The following SLC38A11 variants were observed in gnomAD, a reference collection of about 807,000 sequenced individuals.
The protein encoded by SLC38A11 is putative sodium-coupled neutral amino acid transporter 11.
Under a neutral mutation model 49.4 loss-of-function variants are expected in SLC38A11, and 51 were observed. The ratio of observed to expected loss-of-function variants is 1.03; its 90% CI spans 0.83 to 1.30. The LOEUF is 1.30. Ranked by LOEUF, SLC38A11 falls within the 50% of genes most tolerant of loss-of-function variation. The probability of loss-of-function intolerance (pLI) is 0.00; values close to 1 mark genes in which losing one functional copy is unlikely to be tolerated. For synonymous variants in SLC38A11, 203 were observed against 192.9 expected (o/e 1.05, Z -0.43); for missense variants, 574 against 556.2 (o/e 1.03, Z -0.32).
At chr2:164,945,996 G>A (rs1378137839) in intron 3 of SLC38A11, among the ~76,000 whole-genome samples, 3 of 152,068 alleles carry the variant, frequency 2.0e-5, no homozygotes, top group African/African-American at 4.8e-5. Flanking sequence ...AAACAGACTC[G>A]AGTCAAACTG....
At position 164,895,304 on chromosome 2, in the gene SLC38A11, A is replaced by G. The variant is rs78376286; in HGVS notation, c.*3133T>C. Among the ~76,000 whole-genome samples, 885 of 152,310 alleles carry G rather than the reference A, an allele frequency of 5.8e-3. 35 individuals are homozygous for G. In the East Asian group the frequency reaches 0.1, roughly 18 times the overall value. Reference sequence around the variant, plus strand: ...ATACATTCTTAAAAGCGCTTATTCTATTGAGGTAGCAAATTATTATCCTTG... The same window carrying G: ...ATACATTCTTAAAAGCGCTTATTCTGTTGAGGTAGCAAATTATTATCCTTG... On this transcript the variant is annotated 3_prime_UTR_variant, in exon 12 of 12. Transcript: ENST00000685975.
At chr2:164,904,145 C>T (rs1295549950) in intron 11 of SLC38A11, among the ~76,000 whole-genome samples, 4 of 152,200 alleles carry the variant, frequency 2.6e-5, no homozygotes, top group Non-Finnish European at 5.9e-5. Flanking sequence ...GTAAACCACA[C>T]ACAATGCTTG....
chr2:164,938,476 T>C (rs1197239213), intron 6 of SLC38A11, among the ~76,000 whole-genome samples: 1 of 152,192 alleles, frequency 6.6e-6, no homozygotes, highest in Non-Finnish European at 1.5e-5. Flanking sequence ...CTTCCTTTTA[T>C]GAATGCCTCA....
rs560919536 is a variant in SLC38A11, at chr2:164,932,391, C to T, written c.617+4959G>A. On this transcript the variant is annotated intron_variant, in intron 7 of 11. Transcript: ENST00000685975. ...TCTGAAAAACAGAGCTACCATTTGACCCAGCAATCCCATTACTGAGTATAT... is the reference window on the plus strand; with the variant it reads ...TCTGAAAAACAGAGCTACCATTTGATCCAGCAATCCCATTACTGAGTATAT... Among the ~76,000 whole-genome samples, 65 of 152,200 alleles carry T rather than the reference C, an allele frequency of 4.3e-4. 1 individual carries two copies. In the South Asian group the frequency reaches 9.8e-3, roughly 23 times the overall value.
At chr2:164,945,862 A>G (rs1434699359) in intron 3 of SLC38A11, 135 bp from the exon 4 acceptor site, 2 of 909,188 alleles carry the variant, frequency 2.2e-6, no homozygotes, top group Non-Finnish European at 3.3e-6. Flanking sequence ...TAGCAGAGCC[A>G]GGCTAACTTT....
intron 3 of SLC38A11, among the ~76,000 whole-genome samples, chr2:164,951,145 T>C (rs184836614): frequency 6.6e-6 from 1 of 152,346 alleles, no homozygotes; most frequent in East Asian, 1.9e-4. Flanking sequence ...TTTATTTATG[T>C]ATAATACGAC....
In SLC38A11 at chr2:164,898,706, T is replaced by C. The variant is rs778616571; in HGVS notation, c.1120A>G (p.Ile374Val). 6.2e-7 allele frequency: 1 copy of C among 1,613,258 alleles called. No individual in the cohort carries two copies. Among genetic ancestry groups the C allele is most frequent in the Non-Finnish European group, 8.5e-7 (1 of 1,179,568 alleles). ...TAACAGGCTGATGGAATGATAAAAA[T>C]GAGGGGAGTTGCACAGAGCACACCC... ...LNGVLCATPL[I>V]FIIPSACYLK... The change falls in exon 12 of 12, where the codon ATT becomes GTT. Residue 374 changes from isoleucine (I) to valine (V), a missense_variant. Physicochemically the swap from Ile to Val is conservative, Grantham distance 29. Coordinates refer to ENST00000685975, the MANE Select transcript of SLC38A11 (RefSeq NM_001351537.2).
intron 5 of SLC38A11, among the ~76,000 whole-genome samples, chr2:164,941,242 T>C (rs921150954): frequency 1.3e-5 from 2 of 152,162 alleles, no homozygotes; most frequent in Middle Eastern, 3.2e-3. Flanking sequence ...TGAAAAAATT[T>C]AAAAGCATGT....
chr2:164,955,175 C>G lies in SLC38A11; in HGVS notation c.39+34G>C, dbSNP rs1688767119. ...CAAGGTGAATGAAATTTCCGGACAA[C>G]TGGCTTCAGAACCTGCCTAGTCGCT... On this transcript the variant is annotated intron_variant, in intron 1 of 11. Transcript: ENST00000685975. 5 of 1,549,060 alleles carry G rather than the reference C, an allele frequency of 3.2e-6. No individual in the cohort carries two copies. In the East Asian group the frequency reaches 1.2e-4, roughly 38 times the overall value.
chr2:164,929,171 A>C (rs1463114922), intron 7 of SLC38A11, among the ~76,000 whole-genome samples: 1 of 151,990 alleles, frequency 6.6e-6, no homozygotes, highest in Non-Finnish European at 1.5e-5. Flanking sequence ...TTACATCTTA[A>C]TTTTCTCTAA....
Position 164,895,026 on chromosome 2 carries a change from T to C in SLC38A11, c.*3411A>G, listed in dbSNP as rs1684360131. On this transcript the variant is annotated 3_prime_UTR_variant, in exon 12 of 12. Transcript: ENST00000685975. ...GCATCACCTGGGAACTTTTCAGAAA[T>C]AGAAATTCTGAGGCCCCACTCCAAG... 6.6e-6 allele frequency among the ~76,000 whole-genome samples: 1 copy of C among 152,110 alleles called. No homozygotes were observed. Among genetic ancestry groups the C allele is most frequent in the Non-Finnish European group, 1.5e-5 (1 of 68,018 alleles).
chr2:164,912,028 C>T, intron 9 of SLC38A11: 1 of 191,478 alleles, frequency 5.2e-6, no homozygotes, highest in South Asian at 1.5e-4. Context: ...GTAATAGGTG[C>T]TACCATCTAG....
At position 164,896,586 on chromosome 2, in the gene SLC38A11, A is replaced by G. The variant is rs1684380714; in HGVS notation, c.*1851T>C. 1 of 152,152 alleles carries G rather than the reference A, an allele frequency of 6.6e-6. No individual in the cohort carries two copies. The highest frequency in any genetic ancestry group is 2.4e-5 in the African/African-American group (1 of 41,434). 9.4% of individuals were successfully genotyped at this position (152,152 alleles called of 1,614,324 possible). On this transcript the variant is annotated 3_prime_UTR_variant, in exon 12 of 12. Coordinates refer to ENST00000685975, the MANE Select transcript of SLC38A11 (RefSeq NM_001351537.2). ...TACATGGAATGAAAGCATTTTTATT[A>G]TATTTTACCTAAACATGTACCAATC...
chr2:164,938,105 T>A (rs1172843166), intron 6 of SLC38A11, among the ~76,000 whole-genome samples: 1 of 152,126 alleles, frequency 6.6e-6, no homozygotes, highest in Non-Finnish European at 1.5e-5. Context: ...TTTTTTTAAA[T>A]GAAAAAGCAC....
chr2:164,936,743 G>A (rs1449818806), intron 7 of SLC38A11, among the ~76,000 whole-genome samples: 2 of 152,098 alleles, frequency 1.3e-5, no homozygotes, highest in Non-Finnish European at 2.9e-5. Flanking sequence ...TACAAACAGT[G>A]TAGTTTAGAT....
chr2:164,927,594 A>G (rs901856149), intron 7 of SLC38A11, among the ~76,000 whole-genome samples: 9 of 152,134 alleles, frequency 5.9e-5, no homozygotes, highest in African/African-American at 1.7e-4. Flanking sequence ...ATCTGCTGTT[A>G]TATGTATCTC....
At chr2:164,944,518 A>G (rs1573999839) in intron 5 of SLC38A11, 51 bp downstream of exon 5, 1 of 803,008 alleles carries the variant, frequency 1.2e-6, no homozygotes, top group East Asian at 3.3e-5. Context: ...ACTATAAATA[A>G]CTATATAAAA....
intron 7 of SLC38A11, among the ~76,000 whole-genome samples, chr2:164,926,081 T>G (rs1404510077): frequency 2.0e-5 from 3 of 152,208 alleles, no homozygotes; most frequent in Non-Finnish European, 4.4e-5. Context: ...TCATTTCCAC[T>G]GGAAAATGGA....
rs1688774184 is a variant in SLC38A11 at position 164,955,279 on chromosome 2, T to C, written c.-32A>G. On this transcript the variant is annotated 5_prime_UTR_variant, in exon 1 of 12. Transcript: ENST00000685975. Reference sequence around the variant, plus strand: ...GCGGTGGTCCTCAGCAGGTGGAAGATGCTGGGGCTGGGTACGGATTCGCAC... The same window carrying C: ...GCGGTGGTCCTCAGCAGGTGGAAGACGCTGGGGCTGGGTACGGATTCGCAC... 3 of 1,549,404 alleles carry C rather than the reference T, an allele frequency of 1.9e-6. No individual in the cohort carries two copies. Among genetic ancestry groups the C allele is most frequent in the Non-Finnish European group, 2.6e-6 (3 of 1,145,954 alleles).
Sources: allele counts gnomAD v4.1 joint callset (sites outside exome capture counted in the v4.1 genomes callset), GRCh38; gene constraint gnomAD v4.1.1; transcripts MANE v1.5; gene names NCBI Gene and HGNC (gene_info 2026-07-23, HGNC 2026-07-21).